The following MAGI2 variants were observed in gnomAD, a reference collection of about 807,000 sequenced individuals.
MAGI2 encodes the protein membrane-associated guanylate kinase, WW and PDZ domain-containing protein 2.
A neutral mutation model predicts 133.3 loss-of-function variants in MAGI2; 35 were observed. The observed-to-expected ratio is 0.26, with a 90% CI of 0.20 to 0.35. MAGI2 has a LOEUF of 0.35. Ranked by LOEUF, MAGI2 falls within the 10% of genes least tolerant of loss-of-function variation. MAGI2 has a pLI of 1.00. For synonymous variants in MAGI2, 729 were observed against 710.6 expected (o/e 1.03, Z -0.41); for missense variants, 1,636 against 1,863.4 (o/e 0.88, Z 2.25).
intron 3 of MAGI2, among the ~76,000 whole-genome samples, chr7:78,601,912 T>G (rs1448371215): frequency 6.6e-6 from 1 of 152,200 alleles, no homozygotes; most frequent in East Asian, 1.9e-4. Context: ...AATCTGCCTT[T>G]GTCTTTTGAT....
At chr7:79,406,442 A>G (rs1421385465) in intron 1 of MAGI2, among the ~76,000 whole-genome samples, 1 of 152,148 alleles carries the variant, frequency 6.6e-6, no homozygotes, top group African/African-American at 2.4e-5. Context: ...ATTGAAAATG[A>G]GACTACTATT....
In MAGI2 at chr7:78,160,086, A is replaced by G. The variant is rs1009524; in HGVS notation, c.2784T>C (p.Asn928=). ...TSDVVIHRKE[N]EGFGFVIISS... Reference sequence around the variant, plus strand: ...TGATGATGACAAAGCCGAAGCCCTCATTCTCTTTGCGGTGAATGACCACAT... The same window carrying G: ...TGATGATGACAAAGCCGAAGCCCTCGTTCTCTTTGCGGTGAATGACCACAT... The change falls in exon 16 of 22, where the codon AAT becomes AAC. Residue 928 remains asparagine (N), a synonymous_variant. Transcript: ENST00000354212. 0.1 allele frequency: 162,477 copies of G among 1,607,866 alleles called. 8,828 individuals are homozygous for G. Among genetic ancestry groups the G allele is most frequent in the East Asian group, 0.18 (8,057 of 44,698 alleles).
intron 6 of MAGI2, among the ~76,000 whole-genome samples, chr7:78,417,087 G>A (rs1176064111): frequency 6.6e-6 from 1 of 152,026 alleles, no homozygotes; most frequent in African/African-American, 2.4e-5. Context: ...AAGATAACAA[G>A]ATCAGGAAGT....
At chr7:78,817,911 A>G (rs764277045) in intron 2 of MAGI2, among the ~76,000 whole-genome samples, 2 of 152,026 alleles carry the variant, frequency 1.3e-5, no homozygotes, top group African/African-American at 2.4e-5. Flanking sequence ...GGGTCTCACC[A>G]CGTTGGTCAG....
chr7:79,130,354 T>A (rs1488582413), intron 1 of MAGI2, among the ~76,000 whole-genome samples: 2 of 152,146 alleles, frequency 1.3e-5, no homozygotes, highest in African/African-American at 2.4e-5. Flanking sequence ...TTGGATTTTT[T>A]ATTTCTTTTT....
intron 3 of MAGI2, chr7:78,618,388 A>G (rs1807335905): frequency 6.6e-6 from 1 of 151,998 alleles, no homozygotes; most frequent in Non-Finnish European, 1.5e-5. Flanking sequence ...CACTCATTAA[A>G]TTATGATATA....
intron 2 of MAGI2, among the ~76,000 whole-genome samples, chr7:78,998,436 A>T (rs1249501572): frequency 6.6e-6 from 1 of 152,098 alleles, no homozygotes; most frequent in Admixed American, 6.6e-5. Flanking sequence ...CTGAGTCCTA[A>T]AGTTTAATAC....
At chr7:79,418,645 C>T (rs776025053) in intron 1 of MAGI2, among the ~76,000 whole-genome samples, 1 of 151,896 alleles carries the variant, frequency 6.6e-6, no homozygotes, top group Non-Finnish European at 1.5e-5. Context: ...GGTCTTTCTA[C>T]AGGGAAGAAG....
rs1319233084 is a variant in MAGI2, at chr7:78,959,983, A to C, written c.418+47107T>G. ...TGTAACATGGCCTGCCTATGTAGAA[A>C]ATATTATGGCATCATATAAAATAAA... is the stretch of plus-strand genomic sequence containing the variant. On this transcript the variant is annotated intron_variant, in intron 2 of 21. Transcript: ENST00000354212. Among the ~76,000 whole-genome samples the C allele has an allele frequency of 2.0e-5, 3 of 152,170 alleles. No homozygotes were observed. In the East Asian group the frequency reaches 5.8e-4, roughly 29 times the overall value.
At chr7:78,754,894 TC>T (rs1440200151) in intron 2 of MAGI2, among the ~76,000 whole-genome samples, 1 of 152,210 alleles carries the variant, frequency 6.6e-6, no homozygotes, top group East Asian at 1.9e-4. Flanking sequence ...CAGGTCTGCT[TC>T]CTGAGGAAGT....
At chr7:78,088,128 T>G (rs1181617536) in intron 20 of MAGI2, among the ~76,000 whole-genome samples, 1 of 152,192 alleles carries the variant, frequency 6.6e-6, no homozygotes, top group Non-Finnish European at 1.5e-5. Flanking sequence ...TGTATGAGTG[T>G]TATTTCTCTT....
At chr7:79,205,468 T>C (rs980183804) in intron 1 of MAGI2, among the ~76,000 whole-genome samples, 1 of 151,988 alleles carries the variant, frequency 6.6e-6, no homozygotes, top group Non-Finnish European at 1.5e-5. Flanking sequence ...CCTGCAGACC[T>C]GTCTTATAAG....
intron 21 of MAGI2, among the ~76,000 whole-genome samples, chr7:78,064,118 T>G (rs1192854098): frequency 6.6e-6 from 1 of 152,242 alleles, no homozygotes; most frequent in African/African-American, 2.4e-5. Context: ...CTATCCCTCC[T>G]TAACCTACAG....
At chr7:79,300,997 C>T (rs748779396) in intron 1 of MAGI2, among the ~76,000 whole-genome samples, 1 of 152,258 alleles carries the variant, frequency 6.6e-6, no homozygotes, top group Non-Finnish European at 1.5e-5. Context: ...CCTGCGAGTG[C>T]ACAGAGTGCA....
chr7:79,183,344 T>C (rs1321510331), intron 1 of MAGI2, among the ~76,000 whole-genome samples: 4 of 151,818 alleles, frequency 2.6e-5, no homozygotes, highest in Non-Finnish European at 5.9e-5. Context: ...AAAAAATACA[T>C]TTAAATAAAA....
chr7:78,892,826 C>G (rs1227160718), intron 2 of MAGI2, among the ~76,000 whole-genome samples: 1 of 152,078 alleles, frequency 6.6e-6, no homozygotes, highest in Non-Finnish European at 1.5e-5. Flanking sequence ...TGGGCAAGGA[C>G]TTCATGTCTA....
At chr7:79,372,871 C>A (rs1159909708) in intron 1 of MAGI2, among the ~76,000 whole-genome samples, 1 of 152,020 alleles carries the variant, frequency 6.6e-6, no homozygotes, top group Non-Finnish European at 1.5e-5. Flanking sequence ...TATTTGAAGT[C>A]ATTCTATGTG....
chr7:78,113,125 G>A (rs935728741), intron 20 of MAGI2, among the ~76,000 whole-genome samples: 1 of 150,818 alleles, frequency 6.6e-6, no homozygotes, highest in African/African-American at 2.4e-5. Context: ...TGTGAGATGA[G>A]CTGGGAGGGG....
intron 2 of MAGI2, among the ~76,000 whole-genome samples, chr7:78,664,947 A>T (rs998680441): frequency 1.3e-5 from 2 of 152,088 alleles, no homozygotes; most frequent in African/African-American, 4.8e-5. Context: ...TATAAATTTC[A>T]TACGTAGATA....
Sources: gnomAD v4.1 joint callset for allele counts (sites outside exome capture counted in the v4.1 genomes callset) on GRCh38, gnomAD v4.1.1 for gene constraint, MANE v1.5 for transcripts, NCBI Gene and HGNC (gene_info 2026-07-23, HGNC 2026-07-21) for gene names.